PCDH11Y: variants seen among roughly 807,000 people sequenced by gnomAD.
The protein encoded by PCDH11Y is protocadherin 11 Y-linked.
For missense variants in PCDH11Y, 12 were observed against 224.8 expected (o/e 0.05, Z 6.05); for synonymous variants, 9 against 83.6 (o/e 0.11, Z 4.87).
intron 3 of PCDH11Y, among the ~76,000 whole-genome samples, chrY:5,547,939 A>G (rs2053414826): frequency 6.1e-5 from 2 of 32,650 alleles, no homozygotes; most frequent in Non-Finnish European, 1.5e-4. Context: ...ACAGTTCCAC[A>G]TGGCTGGGGA....
At chrY:5,530,130 G>A in intron 3 of PCDH11Y, among the ~76,000 whole-genome samples, 1 of 31,300 alleles carries the variant, frequency 3.2e-5, no homozygotes, top group Non-Finnish European at 7.8e-5. Context: ...TTCATATACC[G>A]GACAATTACT....
At chrY:5,187,104 G>A in intron 2 of PCDH11Y, among the ~76,000 whole-genome samples, 1 of 34,216 alleles carries the variant, frequency 2.9e-5, no homozygotes, top group Non-Finnish European at 7.3e-5. Context: ...GATGCAAGAG[G>A]TGAGCTCTCA....
intron 1 of PCDH11Y, among the ~76,000 whole-genome samples, chrY:5,091,885 AAATC>A (rs2052741922): frequency 3.1e-5 from 1 of 32,640 alleles, no homozygotes. Context: ...TAGGGAAAAA[AAATC>A]AATCACAGAA....
chrY:5,464,544 T>G, intron 2 of PCDH11Y, among the ~76,000 whole-genome samples: 4 of 32,350 alleles, frequency 1.2e-4, no homozygotes, highest in African/African-American at 4.9e-4. Context: ...TAGTCTCCCC[T>G]TTTCCTAGGG....
intron 4 of PCDH11Y, among the ~76,000 whole-genome samples, chrY:5,694,583 A>T: frequency 3.1e-5 from 1 of 32,744 alleles, no homozygotes. Flanking sequence ...TTAAAAATTT[A>T]ATAATTTTAT....
intron 2 of PCDH11Y, among the ~76,000 whole-genome samples, chrY:5,194,431 TCAAAAAAAAAAAAA>T: frequency 3.1e-4 from 3 of 9,779 alleles, no homozygotes; most frequent in African/African-American, 4.5e-4. Flanking sequence ...CACCCTTGTC[TCAAAAAAAAAAAAA>T]AAAAAAAAGG....
intron 3 of PCDH11Y, among the ~76,000 whole-genome samples, chrY:5,041,875 T>C (rs2052613331): frequency 9.0e-5 from 3 of 33,469 alleles, no homozygotes; most frequent in Non-Finnish European, 2.2e-4. Context: ...ATGAGCATTT[T>C]TTCATGTGTT....
chrY:5,301,162 C>A (rs2053081562), intron 2 of PCDH11Y, among the ~76,000 whole-genome samples: 2 of 33,708 alleles, frequency 5.9e-5, no homozygotes, highest in South Asian at 1.3e-3. Flanking sequence ...ATGATTACAC[C>A]AAAAGGGACA....
intron 4 of PCDH11Y, among the ~76,000 whole-genome samples, chrY:5,734,319 G>T: frequency 3.1e-5 from 1 of 32,633 alleles, no homozygotes; most frequent in Non-Finnish European, 7.5e-5. Flanking sequence ...AAGCAAGTGG[G>T]CGCTCCAGAT....
intron 2 of PCDH11Y, among the ~76,000 whole-genome samples, chrY:5,122,114 T>C: frequency 3.0e-5 from 1 of 32,872 alleles, no homozygotes; most frequent in Non-Finnish European, 7.5e-5. Context: ...CTGGACCATT[T>C]GTAGTCCTGC....
At chrY:5,055,266 A>C (rs2052658997), upstream of PCDH11Y, among the ~76,000 whole-genome samples, 1 of 33,583 alleles carries the variant, frequency 3.0e-5, no homozygotes, top group African/African-American at 1.2e-4. Context: ...TGCTTGGCAT[A>C]ACCAGAGCAC....
chrY:5,726,969 C>T, intron 4 of PCDH11Y, among the ~76,000 whole-genome samples: 4 of 32,889 alleles, frequency 1.2e-4, no homozygotes, highest in African/African-American at 4.7e-4. Context: ...ACATTTTAAA[C>T]GTTAATCTCC....
At chrY:5,662,592 T>G in intron 4 of PCDH11Y, among the ~76,000 whole-genome samples, 1 of 31,737 alleles carries the variant, frequency 3.2e-5, no homozygotes, top group South Asian at 7.2e-4. Flanking sequence ...TATCAACATC[T>G]TTTGACACAA....
At chrY:5,466,512 T>C in intron 2 of PCDH11Y, among the ~76,000 whole-genome samples, 1 of 32,595 alleles carries the variant, frequency 3.1e-5, no homozygotes, top group African/African-American at 1.2e-4. Flanking sequence ...AATATTACTA[T>C]AAATGAAGAA....
rs374072249 is a variant in PCDH11Y, at chrY:5,338,901, C to T, written c.3130-162156C>T. 3.7e-5 allele frequency: 10 copies of T among 267,943 alleles called. No homozygotes were observed. The East Asian group carries it at 4.9e-4, about 13-fold the overall frequency. 66.8% of individuals were successfully genotyped at this position (267,943 alleles called of 400,897 possible). On this transcript the variant is annotated intron_variant, in intron 2 of 4. Coordinates refer to the PCDH11Y transcript ENST00000400457. The stretch of plus-strand genomic sequence containing the variant: ...ATCTCATTCCAGTTACTCTCAATGA[C>T]GCATTCGGGCTCCATCCCATCGGGG...
intron 3 of PCDH11Y, among the ~76,000 whole-genome samples, chrY:5,534,334 G>A: frequency 3.0e-5 from 1 of 33,365 alleles, no homozygotes; most frequent in African/African-American, 1.2e-4. Context: ...ATGCCATGGG[G>A]CCTTGGTATA....
intron 4 of PCDH11Y, among the ~76,000 whole-genome samples, chrY:5,638,894 A>C: frequency 3.6e-5 from 1 of 27,825 alleles, no homozygotes; most frequent in Non-Finnish European, 8.4e-5. Flanking sequence ...CAGTACAGTC[A>C]AATAGTATAC....
At chrY:5,148,117 C>G (rs2124643198) in intron 2 of PCDH11Y, among the ~76,000 whole-genome samples, 11 of 33,703 alleles carry the variant, frequency 3.3e-4, no homozygotes, top group African/African-American at 1.3e-3. Context: ...TAATTTATCT[C>G]TTGGCTAATT....
intron 2 of PCDH11Y, among the ~76,000 whole-genome samples, chrY:5,264,663 T>C: frequency 3.5e-5 from 1 of 28,899 alleles, no homozygotes; most frequent in Non-Finnish European, 8.3e-5. Flanking sequence ...TACTCTTTGC[T>C]CTCCTCTCCT....
Sources: gnomAD v4.1 joint callset for allele counts (sites outside exome capture counted in the v4.1 genomes callset) on GRCh38, gnomAD v4.1.1 for gene constraint, MANE v1.5 for transcripts, NCBI Gene and HGNC (gene_info 2026-07-23, HGNC 2026-07-21) for gene names.